DAB2IP: variants seen among roughly 807,000 people sequenced by gnomAD.
The protein encoded by DAB2IP is disabled homolog 2-interacting protein.
In DAB2IP, 28 loss-of-function variants were observed where a neutral mutation model predicts 107.2. That is an observed-to-expected ratio of 0.26 (90% confidence interval 0.19 to 0.36). DAB2IP has a LOEUF of 0.36. DAB2IP is among the 10% of genes least tolerant of loss of function. The pLI is 1.00. For synonymous variants in DAB2IP, 755 were observed against 706.4 expected (o/e 1.07, Z -1.09); for missense variants, 1,400 against 1,644.7 (o/e 0.85, Z 2.57).
In DAB2IP at chr9:121,606,600, G is replaced by A. The variant is rs114475374; in HGVS notation, c.40+39372G>A. Among the ~76,000 whole-genome samples the A allele has an allele frequency of 4.1e-3, 621 of 152,164 alleles. 3 individuals carry two copies. The highest frequency in any genetic ancestry group is 0.014 in the African/African-American group (584 of 41,508). ...CTCACGGGCAGGGCTCAGAGTGGCTGTTGGAAGGAGGCTCTCCTTATTGAC... is the reference window on the plus strand; with the variant it reads ...CTCACGGGCAGGGCTCAGAGTGGCTATTGGAAGGAGGCTCTCCTTATTGAC... On this transcript the variant is annotated intron_variant, in intron 1 of 16. Coordinates refer to the DAB2IP transcript ENST00000259371.
At chr9:121,604,173 C>T (rs1373567325) in intron 1 of DAB2IP, among the ~76,000 whole-genome samples, 1 of 152,172 alleles carries the variant, frequency 6.6e-6, no homozygotes, top group Non-Finnish European at 1.5e-5. Flanking sequence ...CCCTCTCAGC[C>T]CTGGGTAGTC....
Position 121,675,315 on chromosome 9 carries a change from C to G in DAB2IP, c.125-3363C>G, listed in dbSNP as rs930257220. Among the ~76,000 whole-genome samples, 6 of 152,160 alleles carry G rather than the reference C, an allele frequency of 3.9e-5. No individual in the cohort carries two copies. In the South Asian group the frequency reaches 1.2e-3, roughly 32 times the overall value. ...GGTAAAGGTGTGGAGGTGGGACATT[C>G]CTGCATCGTGGCAGGTACAGCAAAG... On this transcript the variant is annotated intron_variant, in intron 1 of 15. Transcript: ENST00000408936.
intron 2 of DAB2IP, among the ~76,000 whole-genome samples, chr9:121,683,309 G>A (rs1828690241): frequency 6.6e-6 from 1 of 152,126 alleles, no homozygotes; most frequent in Admixed American, 6.5e-5. Context: ...GTCTCCCCAC[G>A]AGCTCCTTAG....
At chr9:121,720,236 C>T (rs1387822222) in intron 3 of DAB2IP, among the ~76,000 whole-genome samples, 2 of 152,184 alleles carry the variant, frequency 1.3e-5, no homozygotes, top group East Asian at 3.9e-4. Context: ...TGGCAGTTGT[C>T]TGTGTGCCTC....
intron 1 of DAB2IP, among the ~76,000 whole-genome samples, chr9:121,668,362 C>T (rs1399304002): frequency 6.6e-6 from 1 of 150,988 alleles, no homozygotes; most frequent in Non-Finnish European, 1.5e-5. Context: ...CTCAGCCTCC[C>T]AAGTGGCTAG....
chr9:121,661,711 C>T (rs1237329386), intron 1 of DAB2IP, among the ~76,000 whole-genome samples: 2 of 152,132 alleles, frequency 1.3e-5, no homozygotes, highest in Non-Finnish European at 2.9e-5. Context: ...GGCCAGGCAC[C>T]ATGGTTTATG....
intron 14 of DAB2IP, among the ~76,000 whole-genome samples, chr9:121,779,927 G>T (rs1835479327): frequency 6.6e-6 from 1 of 152,202 alleles, no homozygotes; most frequent in African/African-American, 2.4e-5. Context: ...ACTCAGTGAG[G>T]CTGCTGACTC....
chr9:121,617,610 T>G (rs935317144), intron 1 of DAB2IP, among the ~76,000 whole-genome samples: 12 of 152,232 alleles, frequency 7.9e-5, no homozygotes, highest in Admixed American at 7.2e-4. Context: ...TCCTTTGTCA[T>G]AGTGACCACC....
intron 1 of DAB2IP, among the ~76,000 whole-genome samples, chr9:121,573,522 C>T (rs1038106026): frequency 2.0e-5 from 3 of 151,958 alleles, no homozygotes; most frequent in Non-Finnish European, 4.4e-5. Flanking sequence ...GTAGCTGGGA[C>T]TACAGGCGCG....
intron 14 of DAB2IP, 148 bp from the exon 15 acceptor site, chr9:121,781,316 A>G: frequency 1.4e-6 from 1 of 705,050 alleles, no homozygotes; most frequent in Non-Finnish European, 2.4e-6. Context: ...CCTCTGCCCC[A>G]GGCAAGTATG....
chr9:121,678,982 G>C, intron 2 of DAB2IP: 1 of 477,518 alleles, frequency 2.1e-6, no homozygotes, highest in East Asian at 3.5e-5. Context: ...CCACATGGGG[G>C]GTCCCATCCT....
chr9:121,597,677 T>C (rs1354284768), intron 1 of DAB2IP, among the ~76,000 whole-genome samples: 1 of 152,222 alleles, frequency 6.6e-6, no homozygotes, highest in Non-Finnish European at 1.5e-5. Context: ...CTCTTGGAGT[T>C]CTAAAACTCC....
intron 11 of DAB2IP, among the ~76,000 whole-genome samples, chr9:121,771,287 T>A (rs1345367814): frequency 6.6e-6 from 1 of 152,150 alleles, no homozygotes; most frequent in Admixed American, 6.5e-5. Flanking sequence ...ATGTTCTTGT[T>A]TAAGTCAAAA....
intron 1 of DAB2IP, among the ~76,000 whole-genome samples, chr9:121,660,907 C>T (rs114589115): frequency 0.017 from 2,619 of 152,168 alleles, 71 homozygotes; most frequent in African/African-American, 0.058. Context: ...TCATAGTTTT[C>T]ATTTATAGAC....
At chr9:121,587,636 G>C (rs1830336760) in intron 1 of DAB2IP, among the ~76,000 whole-genome samples, 1 of 151,446 alleles carries the variant, frequency 6.6e-6, no homozygotes, top group East Asian at 1.9e-4. Flanking sequence ...AAAAAGAATA[G>C]GGTTGAGAGG....
chr9:121,597,286 A>G (rs948418856), intron 1 of DAB2IP, among the ~76,000 whole-genome samples: 2 of 152,120 alleles, frequency 1.3e-5, no homozygotes, highest in African/African-American at 4.8e-5. Flanking sequence ...CTGATCTTTT[A>G]TGCATGGTGT....
At chr9:121,583,090 A>C (rs1295285316) in intron 1 of DAB2IP, among the ~76,000 whole-genome samples, 4 of 152,276 alleles carry the variant, frequency 2.6e-5, no homozygotes, top group Non-Finnish European at 4.4e-5. Flanking sequence ...ACATAATTTT[A>C]GAAAACGGAG....
At chr9:121,642,656 G>A (rs1329121226) in intron 1 of DAB2IP, among the ~76,000 whole-genome samples, 1 of 149,764 alleles carries the variant, frequency 6.7e-6, no homozygotes, top group Non-Finnish European at 1.5e-5. Flanking sequence ...TTTGAGCCCA[G>A]CTCCCTTCAT....
chr9:121,634,743 C>G lies in DAB2IP; in HGVS notation c.41-43935C>G, dbSNP rs899045245. Among the ~76,000 whole-genome samples the G allele has an allele frequency of 2.6e-5, 4 of 152,150 alleles. No homozygotes were observed. Among genetic ancestry groups the G allele is most frequent in the Non-Finnish European group, 5.9e-5 (4 of 68,016 alleles). On this transcript the variant is annotated intron_variant, in intron 1 of 16. Transcript: ENST00000259371. The surrounding 1 kb of genome is among the most constrained non-coding windows in gnomAD (Gnocchi z 4.7). ...AGACCCCTGGCCCTGGTGGTCTAGC[C>G]TCTAAAGGAAGCAGATGATAGCAAT...
Sources: allele counts gnomAD v4.1 joint callset (sites outside exome capture counted in the v4.1 genomes callset), GRCh38; gene constraint gnomAD v4.1.1; non-coding constraint Gnocchi (gnomAD v3.1); transcripts MANE v1.5; gene names NCBI Gene and HGNC (gene_info 2026-07-23, HGNC 2026-07-21).